Variants in ESCO1 observed in about 807,000 individuals in gnomAD.
ESCO1 encodes N-acetyltransferase ESCO1.
A neutral mutation model predicts 83.5 loss-of-function variants in ESCO1; 33 were observed. The observed-to-expected ratio is 0.40, with a 90% CI of 0.30 to 0.53. The LOEUF is 0.53. Among genes scored for constraint, ESCO1 ranks in the 20% least tolerant of loss-of-function variants. The pLI, the probability that ESCO1 is intolerant of heterozygous loss-of-function variation, is 0.63. For missense variants in ESCO1, 855 were observed against 968.0 expected, an observed-to-expected ratio of 0.88 and a Z score of 1.55; for synonymous variants, 332 against 324.3, an observed-to-expected ratio of 1.02 and a Z score of -0.25.
chr18:21,573,457 C>A lies in ESCO1; in HGVS notation c.1387G>T (p.Val463Leu), dbSNP rs201277037. ...EKMKEINSEE[V>L]KINDITVEIN... Reference sequence around the variant, plus strand: ...TCTACTGTAATATCATTAATTTTCACTTCTTCAGAATTAATTTCTTTCATT... The same window carrying A: ...TCTACTGTAATATCATTAATTTTCAATTCTTCAGAATTAATTTCTTTCATT... Residue 463 changes from valine to leucine, a missense_variant, in exon 4 of 12, where the codon GTG (valine) becomes TTG (leucine). Transcript: ENST00000269214. The A allele has an allele frequency of 1.2e-6, 2 of 1,611,978 alleles. No homozygotes were observed. Among genetic ancestry groups the A allele is most frequent in the African/African-American group, 2.7e-5 (2 of 74,724 alleles).
intron 8 of ESCO1, among the ~76,000 whole-genome samples, chr18:21,553,422 A>G (rs1231316316): frequency 3.4e-5 from 5 of 145,066 alleles, no homozygotes; most frequent in Admixed American, 7.2e-5. Context: ...CTAAGATGAC[A>G]CCGCAACACT....
intron 4 of ESCO1, among the ~76,000 whole-genome samples, chr18:21,569,776 G>A (rs1229391792): frequency 9.9e-5 from 15 of 152,104 alleles, no homozygotes; most frequent in African/African-American, 3.4e-4. Flanking sequence ...ACTTGAACCC[G>A]GGAGGCGGAG....
In ESCO1 at chr18:21,530,235, C is replaced by T; in HGVS notation, c.*108G>A. ...AATGGAACAACCATATGGTTGTTGC[C>T]AGTCCTGAGTTCATTGTAATAAAAA... is the stretch of plus-strand genomic sequence containing the variant. On this transcript the variant is annotated 3_prime_UTR_variant, in exon 12 of 12. Coordinates refer to ENST00000269214, the MANE Select transcript of ESCO1 (RefSeq NM_052911.3). 1.1e-6 allele frequency: 1 copy of T among 892,880 alleles called. No individual in the cohort carries two copies. The highest frequency in any genetic ancestry group is 1.6e-6 in the Non-Finnish European group (1 of 633,418). 55.3% of individuals were successfully genotyped at this position (892,880 alleles called of 1,614,324 possible).
At chr18:21,594,005 G>C (rs910045499) in intron 1 of ESCO1, among the ~76,000 whole-genome samples, 1 of 152,078 alleles carries the variant, frequency 6.6e-6, no homozygotes, top group African/African-American at 2.4e-5. Context: ...TTATGGGTGG[G>C]CTGTCCCGTG....
At chr18:21,589,135 A>G (rs1248369764) in intron 1 of ESCO1, among the ~76,000 whole-genome samples, 1 of 151,750 alleles carries the variant, frequency 6.6e-6, no homozygotes, top group Non-Finnish European at 1.5e-5. Flanking sequence ...GCTACTCAGG[A>G]GGCTGGGGCA....
intron 1 of ESCO1, among the ~76,000 whole-genome samples, chr18:21,597,992 A>ATT (rs1035789919): frequency 1.4e-4 from 22 of 152,158 alleles, no homozygotes; most frequent in African/African-American, 5.3e-4. Context: ...GAACCAAAGG[A>ATT]TTTTCATTGA....
intron 2 of ESCO1, 94 bp downstream of exon 2, chr18:21,584,216 T>C (rs186921049): frequency 2.6e-4 from 40 of 152,256 alleles, no homozygotes; most frequent in African/African-American, 9.1e-4. Context: ...AAAATAAAAA[T>C]GTAAGTTAAA....
intron 2 of ESCO1, among the ~76,000 whole-genome samples, chr18:21,579,479 C>A (rs1384882520): frequency 1.3e-5 from 2 of 150,658 alleles, no homozygotes; most frequent in African/African-American, 2.4e-5. Context: ...AACAAAAAAA[C>A]AAAAAAATGG....
At chr18:21,550,544 A>G (rs1456543456) in intron 8 of ESCO1, among the ~76,000 whole-genome samples, 1 of 152,226 alleles carries the variant, frequency 6.6e-6, no homozygotes. Flanking sequence ...ATATCCCAGT[A>G]TGTAAGAAAT....
rs35451929 is a variant in ESCO1, at chr18:21,530,505, T to TGG, written c.2376-17_2376-16dup. 873 of 1,149,126 alleles carry TGG rather than the reference T, an allele frequency of 7.6e-4. 11 individuals carry two copies. The African/African-American group carries it at 0.015, about 20-fold the overall frequency. The allele number at this position is 1,149,126 out of a possible 1,614,324, so 71.2% of individuals were successfully genotyped here. A position where few individuals can be genotyped will look rare whatever the true frequency, so the allele number is the denominator to read the frequency against. The stretch of plus-strand genomic sequence containing the variant: ...TAAAGTTACTCCTATTAAAAAAAAA[T>TGG]GGGGGGGGGGAAGGGTTAAGTGTGA... On this transcript the variant is annotated splice_polypyrimidine_tract_variant and intron_variant, in intron 11 of 11. Coordinates refer to ENST00000269214, the MANE Select transcript of ESCO1 (RefSeq NM_052911.3).
intron 8 of ESCO1, among the ~76,000 whole-genome samples, chr18:21,548,321 T>A (rs1217866045): frequency 6.6e-6 from 1 of 151,180 alleles, no homozygotes; most frequent in Non-Finnish European, 1.5e-5. Context: ...AGTAGGACCC[T>A]GTCTCTACAA....
Position 21,536,140 on chromosome 18 carries a change from G to C in ESCO1, c.2089C>G (p.Gln697Glu), listed in dbSNP as rs777584527. The C allele has an allele frequency of 1.2e-6, 2 of 1,613,924 alleles. No homozygotes were observed. Among genetic ancestry groups the C allele is most frequent in the East Asian group, 2.2e-5 (1 of 44,864 alleles). ...CTGGAATAGCACATTAGTGGAGCCT[G>C]TTGAAAACCTAAATCATTGTCAACC... is the stretch of plus-strand genomic sequence containing the variant. ...EMVDNDLGFQQAPLMCYSRTK... is the reference protein window; with the variant it reads ...EMVDNDLGFQEAPLMCYSRTK... The change falls in exon 10 of 12, where the codon CAG becomes GAG. Residue 697 changes from glutamine to glutamate, a missense_variant. Gln to Glu is a conservative substitution (Grantham distance 29). This residue lies in a region of ESCO1 where 129 missense variants were observed against 268.5 expected (regional missense o/e 0.48). Coordinates refer to ENST00000269214, the MANE Select transcript of ESCO1 (RefSeq NM_052911.3).
intron 1 of ESCO1, among the ~76,000 whole-genome samples, chr18:21,594,982 G>A (rs943380167): frequency 2.8e-5 from 4 of 142,910 alleles, no homozygotes; most frequent in African/African-American, 1.1e-4. Context: ...TTTTATATAT[G>A]AAAAACTACA....
Position 21,530,106 on chromosome 18 carries a change from A to G in ESCO1, c.*237T>C. 1 of 349,166 alleles carries G rather than the reference A, an allele frequency of 2.9e-6. No homozygotes were observed. The highest frequency in any genetic ancestry group is 5.1e-6 in the Non-Finnish European group (1 of 195,636). 21.6% of individuals were successfully genotyped at this position (349,166 alleles called of 1,614,324 possible). A position where few individuals can be genotyped will look rare whatever the true frequency, so the allele number is the denominator to read the frequency against. ...TGCATGTAAACATGTCTAAATAACTATAGATAAAATACATCAATCATAAAT... is the reference window on the plus strand; with the variant it reads ...TGCATGTAAACATGTCTAAATAACTGTAGATAAAATACATCAATCATAAAT... On this transcript the variant is annotated 3_prime_UTR_variant, in exon 12 of 12. Transcript: ENST00000269214.
chr18:21,582,962 T>C, intron 2 of ESCO1, among the ~76,000 whole-genome samples: 1 of 151,564 alleles, frequency 6.6e-6, no homozygotes, highest in Non-Finnish European at 1.5e-5. Flanking sequence ...GGGGCCAAGG[T>C]GTGCGAATCA....
chr18:21,587,368 T>A (rs2038596684), intron 1 of ESCO1, among the ~76,000 whole-genome samples: 2 of 152,212 alleles, frequency 1.3e-5, no homozygotes, highest in Admixed American at 6.5e-5. Context: ...GTAGATTGCA[T>A]CAGTGAAGCC....
chr18:21,578,687 C>T (rs112032941), intron 2 of ESCO1, among the ~76,000 whole-genome samples: 7 of 151,074 alleles, frequency 4.6e-5, no homozygotes, highest in Admixed American at 6.6e-5. Flanking sequence ...AGATCTACCA[C>T]GAAAAAAAAG....
intron 8 of ESCO1, among the ~76,000 whole-genome samples, chr18:21,548,919 T>C (rs999467504): frequency 5.4e-5 from 8 of 148,508 alleles, no homozygotes; most frequent in African/African-American, 1.0e-4. Context: ...GCCTGGCCAA[T>C]AGAGCAAGAC....
chr18:21,586,988 T>C (rs181397037), intron 1 of ESCO1, among the ~76,000 whole-genome samples: 2 of 152,314 alleles, frequency 1.3e-5, no homozygotes, highest in Admixed American at 1.3e-4. Context: ...TCTGCATCTA[T>C]TGAGGTAATC....
Sources: gnomAD v4.1 joint callset for allele counts (sites outside exome capture counted in the v4.1 genomes callset) on GRCh38, gnomAD v4.1.1 for gene constraint, gnomAD v4.1.1 regional missense constraint, MANE v1.5 for transcripts, NCBI Gene and HGNC (gene_info 2026-07-23, HGNC 2026-07-21) for gene names.